Variants in CSMD1 observed in about 807,000 individuals in gnomAD.
The protein encoded by CSMD1 is CUB and sushi domain-containing protein 1.
Under a neutral mutation model 417.5 loss-of-function variants are expected in CSMD1, and 213 were observed. The observed-to-expected ratio is 0.51, with a 90% CI of 0.46 to 0.57. The LOEUF is 0.57. CSMD1 is among the 20% of genes least tolerant of loss of function. The pLI is 0.00. For missense variants in CSMD1, 6,923 were observed against 4,529.7 expected (o/e 1.53, Z -15.17); for synonymous variants, 2,862 against 1,736.8 (o/e 1.65, Z -16.11).
intron 3 of CSMD1, among the ~76,000 whole-genome samples, chr8:4,279,215 C>CA (rs1409871308): frequency 6.6e-6 from 1 of 152,246 alleles, no homozygotes; most frequent in African/African-American, 2.4e-5. Context: ...CTAACACACA[C>CA]ACACAATTAA....
chr8:3,632,500 G>C (rs551943793), intron 7 of CSMD1, among the ~76,000 whole-genome samples: 4 of 152,290 alleles, frequency 2.6e-5, no homozygotes, highest in African/African-American at 9.6e-5. Context: ...TAAAACCTTA[G>C]ATTGTGATGG....
chr8:4,460,051 A>G (rs1369104193), intron 2 of CSMD1, among the ~76,000 whole-genome samples: 3 of 152,292 alleles, frequency 2.0e-5, no homozygotes, highest in Non-Finnish European at 2.9e-5. Flanking sequence ...ATTCCAGCCA[A>G]TAACAGAATA....
intron 2 of CSMD1, among the ~76,000 whole-genome samples, chr8:4,542,230 G>A (rs529229914): frequency 6.6e-6 from 1 of 152,058 alleles, no homozygotes; most frequent in African/African-American, 2.4e-5. Context: ...TTTCATGGAA[G>A]AAAGAATCAA....
At chr8:2,961,523 T>G (rs868425367) in intron 61 of CSMD1, among the ~76,000 whole-genome samples, 1 of 152,202 alleles carries the variant, frequency 6.6e-6, no homozygotes, top group African/African-American at 2.4e-5. Flanking sequence ...TATACTATCT[T>G]CAATAATGAC....
intron 21 of CSMD1, among the ~76,000 whole-genome samples, chr8:3,356,296 A>C (rs183140066): frequency 6.6e-6 from 1 of 152,314 alleles, no homozygotes; most frequent in East Asian, 1.9e-4. Context: ...GAGGAAAGCA[A>C]TTTTCCTCTT....
chr8:4,161,290 T>C (rs912497705), intron 3 of CSMD1, among the ~76,000 whole-genome samples: 1 of 152,218 alleles, frequency 6.6e-6, no homozygotes, highest in African/African-American at 2.4e-5. Context: ...ACTCACCAGC[T>C]ACACATAATT....
intron 7 of CSMD1, among the ~76,000 whole-genome samples, chr8:3,629,090 G>C (rs1796643277): frequency 6.6e-6 from 1 of 152,138 alleles, no homozygotes; most frequent in Middle Eastern, 3.2e-3. Flanking sequence ...TGAGAAGTCG[G>C]GGGAAGAAGG....
chr8:3,090,316 C>CAAAAAAAAAA (rs35534326), intron 48 of CSMD1, among the ~76,000 whole-genome samples: 3 of 79,812 alleles, frequency 3.8e-5, no homozygotes, highest in African/African-American at 9.2e-5. Flanking sequence ...GACTGTATTT[C>CAAAAAAAAAA]AAAAAAAAAA....
intron 3 of CSMD1, among the ~76,000 whole-genome samples, chr8:4,251,096 C>T (rs563146195): frequency 1.3e-5 from 2 of 152,094 alleles, no homozygotes; most frequent in African/African-American, 4.8e-5. Flanking sequence ...ATTTTCCCTG[C>T]CAAATTTCTG....
At chr8:3,084,856 C>T (rs1032735586) in intron 49 of CSMD1, among the ~76,000 whole-genome samples, 9 of 151,604 alleles carry the variant, frequency 5.9e-5, no homozygotes, top group Admixed American at 3.3e-4. Flanking sequence ...TTAATTGTAC[C>T]ACACAACTTT....
chr8:4,278,875 T>TA lies in CSMD1; in HGVS notation c.415+141077dup, dbSNP rs545572219. ...TACATTCTCAATTGCAGTATGTATG[T>TA]AATAAAGGGAGACTGCTAGGATAAC... On this transcript the variant is annotated intron_variant, in intron 3 of 69. Transcript: ENST00000635120. 4.6e-5 allele frequency among the ~76,000 whole-genome samples: 7 copies of TA among 152,310 alleles called. No individual in the cohort carries two copies. In the South Asian group the frequency reaches 8.3e-4, roughly 18 times the overall value.
intron 7 of CSMD1, among the ~76,000 whole-genome samples, chr8:3,663,647 G>T (rs532999914): frequency 6.6e-6 from 1 of 152,222 alleles, no homozygotes; most frequent in African/African-American, 2.4e-5. Context: ...AAACTCAAAA[G>T]AATGCAATCA....
chr8:4,071,347 C>G (rs770452975), intron 3 of CSMD1, among the ~76,000 whole-genome samples: 24 of 152,072 alleles, frequency 1.6e-4, no homozygotes, highest in Admixed American at 4.6e-4. Context: ...ATCAAGCTCC[C>G]TAACTCTTAT....
At chr8:4,210,297 C>A (rs1470264154) in intron 3 of CSMD1, among the ~76,000 whole-genome samples, 2 of 152,214 alleles carry the variant, frequency 1.3e-5, no homozygotes, top group Non-Finnish European at 2.9e-5. Flanking sequence ...TCATCCTCTA[C>A]TGTTAGATTC....
chr8:3,552,741 G>A (rs971038280), intron 10 of CSMD1, among the ~76,000 whole-genome samples: 3 of 152,100 alleles, frequency 2.0e-5, no homozygotes, highest in African/African-American at 4.8e-5. Flanking sequence ...TATGCTTTTA[G>A]TTTATATGAA....
chr8:4,165,798 C>T (rs778259934), intron 3 of CSMD1, among the ~76,000 whole-genome samples: 2 of 152,224 alleles, frequency 1.3e-5, no homozygotes, highest in African/African-American at 4.8e-5. Context: ...GTCACTCCAG[C>T]CGCATTATGT....
At chr8:3,779,598 C>T (rs1799069211) in intron 5 of CSMD1, among the ~76,000 whole-genome samples, 1 of 151,990 alleles carries the variant, frequency 6.6e-6, no homozygotes, top group Non-Finnish European at 1.5e-5. Flanking sequence ...GCTGAATAAC[C>T]GGGTATTTTA....
intron 3 of CSMD1, among the ~76,000 whole-genome samples, chr8:4,200,887 T>G (rs1799607617): frequency 6.6e-6 from 1 of 152,166 alleles, no homozygotes; most frequent in South Asian, 2.1e-4. Flanking sequence ...TAATAACACA[T>G]CTTTAAGAAA....
chr8:3,930,238 T>C (rs1024248380), intron 5 of CSMD1, among the ~76,000 whole-genome samples: 1 of 150,360 alleles, frequency 6.7e-6, no homozygotes, highest in Non-Finnish European at 1.5e-5. Context: ...AGGTCCTTCT[T>C]CAAAGACTTT....
Sources: gnomAD v4.1 joint callset for allele counts (sites outside exome capture counted in the v4.1 genomes callset) on GRCh38, gnomAD v4.1.1 for gene constraint, MANE v1.5 for transcripts, NCBI Gene and HGNC (gene_info 2026-07-23, HGNC 2026-07-21) for gene names.